EPS8: variants seen among roughly 807,000 people sequenced by gnomAD.
EPS8 encodes EGFR pathway substrate 8, signaling adaptor.
Under a neutral mutation model 103.8 loss-of-function variants are expected in EPS8, and 42 were observed. The ratio of observed to expected loss-of-function variants is 0.40; its 90% confidence interval spans 0.32 to 0.52. The LOEUF (loss-of-function observed/expected upper bound fraction) is 0.52. Among genes scored for constraint, EPS8 ranks in the 20% least tolerant of loss-of-function variants. The pLI, the probability that EPS8 is intolerant of heterozygous loss-of-function variation, is 0.40. For synonymous variants in EPS8, 344 were observed against 344.6 expected (o/e 1.00, Z 0.02); for missense variants, 969 against 1,005.1 (o/e 0.96, Z 0.49).
In EPS8 at chr12:15,779,230, G is replaced by A. The variant is rs534766827; in HGVS notation, c.-22+9931C>T. Among the ~76,000 whole-genome samples the A allele has an allele frequency of 4.6e-5, 7 of 152,072 alleles. No individual in the cohort carries two copies. The highest frequency in any genetic ancestry group is 2.1e-4 in the South Asian group (1 of 4,816). On this transcript the variant is annotated intron_variant, in intron 1 of 20. Transcript: ENST00000281172. The surrounding 1 kb of genome is among the most constrained non-coding windows in gnomAD (Gnocchi z 4.3). ...CAAACTCAGGTGATCCGCCTGCCTC[G>A]GCTTCCCAAAATGCTGGGATTACAG...
At chr12:15,661,515 T>C (rs1945604527) in intron 9 of EPS8, among the ~76,000 whole-genome samples, 1 of 152,160 alleles carries the variant, frequency 6.6e-6, no homozygotes, top group Admixed American at 6.5e-5. Context: ...GAAAATGCTA[T>C]AATAAAGCAT....
chr12:15,641,217 C>A (rs966821182), intron 16 of EPS8, among the ~76,000 whole-genome samples: 1 of 151,962 alleles, frequency 6.6e-6, no homozygotes, highest in Non-Finnish European at 1.5e-5. Flanking sequence ...TTTTTCCTTA[C>A]AAAATTTATT....
chr12:15,659,424 A>C (rs1317708800), intron 10 of EPS8, among the ~76,000 whole-genome samples: 1 of 152,182 alleles, frequency 6.6e-6, no homozygotes, highest in African/African-American at 2.4e-5. Flanking sequence ...TGAGAAAATA[A>C]AATTGATGTT....
rs1324672562 is a variant in EPS8 at position 15,620,298 on chromosome 12, GT to G, written c.*1018del. ...TATACAACATTCTTACATAACATCT[GT>G]TTTATATATGTGAAATAATATAACA... is the stretch of plus-strand genomic sequence containing the variant. On this transcript the variant is annotated 3_prime_UTR_variant, in exon 21 of 21. Transcript: ENST00000281172. The G allele has an allele frequency of 1.3e-5, 2 of 152,528 alleles. No individual in the cohort carries two copies. Among genetic ancestry groups the G allele is most frequent in the Non-Finnish European group, 2.9e-5 (2 of 68,014 alleles). 9.4% of individuals were successfully genotyped at this position (152,528 alleles called of 1,614,324 possible). A position where few individuals can be genotyped will look rare whatever the true frequency, so the allele number is the denominator to read the frequency against.
intron 1 of EPS8, among the ~76,000 whole-genome samples, chr12:15,755,141 AG>A (rs1199144684): frequency 3.3e-5 from 5 of 152,334 alleles, no homozygotes; most frequent in Middle Eastern, 3.4e-3. Context: ...TCACTCATCT[AG>A]AGGCACACTT....
At chr12:15,718,945 G>C (rs1354923597) in intron 1 of EPS8, among the ~76,000 whole-genome samples, 1 of 152,036 alleles carries the variant, frequency 6.6e-6, no homozygotes, top group Non-Finnish European at 1.5e-5. Context: ...CTGAAATACT[G>C]TCAGGAAATT....
intron 1 of EPS8, chr12:15,712,751 T>C (rs993034836): frequency 1.3e-5 from 6 of 465,692 alleles, no homozygotes; most frequent in Non-Finnish European, 1.7e-5. Flanking sequence ...GGACTAAAAG[T>C]ATTGCTACAT....
At chr12:15,691,205 T>C (rs1198821097) in intron 1 of EPS8, among the ~76,000 whole-genome samples, 1 of 150,038 alleles carries the variant, frequency 6.7e-6, no homozygotes, top group Non-Finnish European at 1.5e-5. Flanking sequence ...GGGGTGGATC[T>C]AGAGGATAAA....
rs188825843 is a variant in EPS8 at position 15,772,576 on chromosome 12, T to C, written c.-22+16585A>G. 9.2e-5 allele frequency among the ~76,000 whole-genome samples: 14 copies of C among 152,280 alleles called. No homozygotes were observed. Among genetic ancestry groups the C allele is most frequent in the African/African-American group, 3.4e-4 (14 of 41,550 alleles). On this transcript the variant is annotated intron_variant, in intron 1 of 20. Transcript: ENST00000281172. This position sits in a 1 kb window ranked among gnomAD's most constrained non-coding sequence, Gnocchi z 5.0. ...AATAAATAAATAAATAAATAAAGCA[T>C]TGGCTCTCACTGCTGCCAACAGATG...
chr12:15,623,371 A>G, intron 19 of EPS8, 84 bp from the exon 20 acceptor site: 2 of 1,286,618 alleles, frequency 1.6e-6, no homozygotes, highest in South Asian at 1.4e-5. Flanking sequence ...TCCTGCTAGT[A>G]ACTTCTCTTT....
chr12:15,678,986 T>C (rs949410524), intron 3 of EPS8, among the ~76,000 whole-genome samples: 5 of 151,502 alleles, frequency 3.3e-5, no homozygotes, highest in African/African-American at 1.2e-4. Context: ...TTGCTTCTAA[T>C]ACAACATAAA....
At position 15,623,278 on chromosome 12, in the gene EPS8, A is replaced by G; in HGVS notation, c.2235T>C (p.Asn745=). Residue 745 remains asparagine, a synonymous_variant, in exon 20 of 21, where the codon AAT becomes AAC. Coordinates refer to ENST00000281172, the MANE Select transcript of EPS8 (RefSeq NM_004447.6). ...QSKGFNPVTV[N]SLGVLNGAQL... ...GTGCACCATTTAATACTCCAAGACT[A>G]TTGACAGTCCTAAAAAAAAAAAAAG... 1 of 1,584,070 alleles carries G rather than the reference A, an allele frequency of 6.3e-7. No homozygotes were observed. The highest frequency in any genetic ancestry group is 8.6e-7 in the Non-Finnish European group (1 of 1,168,776).
intron 1 of EPS8, among the ~76,000 whole-genome samples, chr12:15,753,771 C>T (rs892130436): frequency 4.6e-5 from 7 of 152,100 alleles, no homozygotes; most frequent in Admixed American, 2.6e-4. Flanking sequence ...TGTTTAAACT[C>T]GAATATGGTG....
In EPS8 at chr12:15,745,020, C is replaced by A. The variant is rs189568891; in HGVS notation, c.-22+44141G>T. Among the ~76,000 whole-genome samples, 1,858 of 152,174 alleles carry A rather than the reference C, an allele frequency of 0.012. 86 individuals carry two copies. Among genetic ancestry groups the A allele is most frequent in the Admixed American group, 0.082 (1,252 of 15,270 alleles). The stretch of plus-strand genomic sequence containing the variant: ...CTGGGATTACTGGCATGTGCCACCA[C>A]GCCCAGCTAATTTTTGTATTTTTAG... On this transcript the variant is annotated intron_variant, in intron 1 of 20. Transcript: ENST00000281172. This position sits in a 1 kb window ranked among gnomAD's most constrained non-coding sequence, Gnocchi z 4.6.
chr12:15,625,298 T>C (rs1335006636), intron 18 of EPS8, among the ~76,000 whole-genome samples: 1 of 152,192 alleles, frequency 6.6e-6, no homozygotes, highest in African/African-American at 2.4e-5. Context: ...ATTCAAATAC[T>C]GAGTCATTTC....
intron 13 of EPS8, among the ~76,000 whole-genome samples, chr12:15,651,789 T>A (rs1454538440): frequency 6.6e-6 from 1 of 152,242 alleles, no homozygotes; most frequent in Non-Finnish European, 1.5e-5. Flanking sequence ...TTCAGATTGT[T>A]ATAGACTTTC....
At chr12:15,770,148 A>C (rs906209910) in intron 1 of EPS8, among the ~76,000 whole-genome samples, 3 of 151,620 alleles carry the variant, frequency 2.0e-5, no homozygotes, top group African/African-American at 7.3e-5. Context: ...CATGTTGCCC[A>C]CATTGGTCTC....
In EPS8 at chr12:15,764,087, T is replaced by C. The variant is rs147635634; in HGVS notation, c.-22+25074A>G. Among the ~76,000 whole-genome samples, 4,337 of 152,274 alleles carry C rather than the reference T, an allele frequency of 0.028. 194 individuals carry two copies. Among genetic ancestry groups the C allele is most frequent in the African/African-American group, 0.098 (4,063 of 41,524 alleles). ...TAATGGACTCACAGTTCCACATGGCTAGGGAGGCCTCATAATCATGTCCAA... is the reference window on the plus strand; with the variant it reads ...TAATGGACTCACAGTTCCACATGGCCAGGGAGGCCTCATAATCATGTCCAA... On this transcript the variant is annotated intron_variant, in intron 1 of 20. Transcript: ENST00000281172. The surrounding 1 kb of genome is among the most constrained non-coding windows in gnomAD (Gnocchi z 4.1).
At chr12:15,719,101 C>T (rs762884327) in intron 1 of EPS8, among the ~76,000 whole-genome samples, 1 of 151,906 alleles carries the variant, frequency 6.6e-6, no homozygotes, top group Non-Finnish European at 1.5e-5. Flanking sequence ...ATAAGGTGTC[C>T]TCTTATCAAA....
Sources: allele counts gnomAD v4.1 joint callset (sites outside exome capture counted in the v4.1 genomes callset), GRCh38; gene constraint gnomAD v4.1.1; non-coding constraint Gnocchi (gnomAD v3.1); transcripts MANE v1.5; gene names NCBI Gene and HGNC (gene_info 2026-07-23, HGNC 2026-07-21).